The following NRG1 variants were observed in gnomAD, a reference collection of about 807,000 sequenced individuals.
NRG1 encodes the protein neuregulin 1.
In NRG1, 18 loss-of-function variants were observed where a neutral mutation model predicts 63.8. The observed-to-expected ratio is 0.28, with a 90% CI of 0.19 to 0.42. NRG1 has a LOEUF of 0.42. Ranked by LOEUF, NRG1 falls within the 10% of genes least tolerant of loss-of-function variation. The pLI, the probability that NRG1 is intolerant of heterozygous loss-of-function variation, is 1.00. For missense variants in NRG1, 762 were observed against 814.7 expected (o/e 0.94, Z 0.79); for synonymous variants, 302 against 301.3 (o/e 1.00, Z -0.02).
At chr8:32,723,056 T>C (rs1190086297) in intron 5 of NRG1, among the ~76,000 whole-genome samples, 1 of 152,230 alleles carries the variant, frequency 6.6e-6, no homozygotes, top group Non-Finnish European at 1.5e-5. Context: ...TTTTGTTTGC[T>C]CAATATTTAT....
intron 1 of NRG1, among the ~76,000 whole-genome samples, chr8:31,852,282 CT>C (rs1316796240): frequency 7.1e-6 from 1 of 140,130 alleles, no homozygotes; most frequent in African/African-American, 2.6e-5. Flanking sequence ...TGTTTCCTGA[CT>C]TTTTAATGAT....
At chr8:31,907,451 T>C (rs1832618948) in intron 1 of NRG1, among the ~76,000 whole-genome samples, 2 of 151,868 alleles carry the variant, frequency 1.3e-5, no homozygotes, top group South Asian at 4.2e-4. Context: ...TATGTAGTTC[T>C]CGAGAGTTAT....
In NRG1 at chr8:32,401,404, C is replaced by T. The variant is rs1813180116; in HGVS notation, c.38-194424C>T. 6.6e-5 allele frequency among the ~76,000 whole-genome samples: 10 copies of T among 152,288 alleles called. 1 individual carries two copies. The South Asian group carries it at 2.1e-3, about 32-fold the overall frequency. ...CCCTGTTCCTTAGTTTTCTCTCTGG[C>T]ACTTATCATTTATCTATTTTATTCA... On this transcript the variant is annotated intron_variant, in intron 1 of 10. Coordinates refer to the NRG1 transcript ENST00000519301.
intron 1 of NRG1, among the ~76,000 whole-genome samples, chr8:31,671,442 ACTTAT>A (rs1014847518): frequency 1.3e-5 from 2 of 152,134 alleles, no homozygotes; most frequent in African/African-American, 4.8e-5. Flanking sequence ...TAGCTGGCAA[ACTTAT>A]CAGGCAGAAG....
chr8:31,857,260 C>G (rs957543553), intron 1 of NRG1, among the ~76,000 whole-genome samples: 1 of 152,244 alleles, frequency 6.6e-6, no homozygotes, highest in Non-Finnish European at 1.5e-5. Flanking sequence ...TAGCAATCAG[C>G]AAGACTCCGT....
intron 1 of NRG1, among the ~76,000 whole-genome samples, chr8:31,778,275 C>T (rs1372821394): frequency 1.3e-5 from 2 of 152,196 alleles, no homozygotes; most frequent in Non-Finnish European, 2.9e-5. Context: ...GTCGTACTCT[C>T]TGCAATGCTA....
chr8:32,571,977 A>G (rs557879747), intron 1 of NRG1, among the ~76,000 whole-genome samples: 2 of 152,330 alleles, frequency 1.3e-5, no homozygotes, highest in African/African-American at 2.4e-5. Context: ...TGTAATTTTT[A>G]TACACAGTTT....
At chr8:31,964,331 T>A (rs1805966855) in intron 1 of NRG1, among the ~76,000 whole-genome samples, 1 of 152,198 alleles carries the variant, frequency 6.6e-6, no homozygotes, top group African/African-American at 2.4e-5. Context: ...AAGTGGACAT[T>A]GTTTTGAGAC....
intron 1 of NRG1, among the ~76,000 whole-genome samples, chr8:32,393,004 A>G (rs1163576059): frequency 6.6e-6 from 1 of 152,124 alleles, no homozygotes; most frequent in Admixed American, 6.6e-5. Flanking sequence ...CCACTTCATT[A>G]CTGGTTGTTT....
intron 1 of NRG1, among the ~76,000 whole-genome samples, chr8:32,109,307 C>T (rs897985693): frequency 6.6e-6 from 1 of 152,182 alleles, no homozygotes; most frequent in African/African-American, 2.4e-5. Context: ...TCATGATTAG[C>T]TCTGGGCATG....
rs538720042 is a variant in NRG1, at chr8:32,635,345, A to G, written c.502+18460A>G. 3.3e-5 allele frequency among the ~76,000 whole-genome samples: 5 copies of G among 152,294 alleles called. No individual in the cohort carries two copies. The East Asian group carries it at 9.6e-4, about 29-fold the overall frequency. On this transcript the variant is annotated intron_variant, in intron 5 of 11. Coordinates refer to ENST00000356819, the Ensembl canonical transcript of NRG1. ...TGGAAATGGTAGCTATTTTTATTAC[A>G]CCCTGTACAGTGACCTTAAAATTTG...
upstream of NRG1, among the ~76,000 whole-genome samples, chr8:32,544,679 CT>C (rs755780220): frequency 9.1e-3 from 729 of 80,458 alleles, 3 homozygotes; most frequent in African/African-American, 0.033. Context: ...ATTTTTGTAT[CT>C]TTTTTTTTTT....
intron 1 of NRG1, among the ~76,000 whole-genome samples, chr8:31,708,647 GT>G (rs1811407872): frequency 6.6e-6 from 1 of 151,504 alleles, no homozygotes; most frequent in Non-Finnish European, 1.5e-5. Flanking sequence ...GGGTTTCACC[GT>G]TTTAGCCGGG....
At chr8:32,555,405 TTTGA>T (rs1189534676) in intron 1 of NRG1, among the ~76,000 whole-genome samples, 1 of 152,202 alleles carries the variant, frequency 6.6e-6, no homozygotes, top group Non-Finnish European at 1.5e-5. Context: ...GGAGCCCCAC[TTTGA>T]TTGAGTGCAC....
intron 1 of NRG1, among the ~76,000 whole-genome samples, chr8:32,012,440 G>A (rs1814902457): frequency 6.6e-6 from 1 of 152,150 alleles, no homozygotes; most frequent in East Asian, 1.9e-4. Flanking sequence ...ATAGTTTTAG[G>A]CATACTAAAA....
At chr8:32,224,997 C>T (rs778818016) in intron 1 of NRG1, among the ~76,000 whole-genome samples, 5 of 152,114 alleles carry the variant, frequency 3.3e-5, no homozygotes, top group Non-Finnish European at 7.4e-5. Flanking sequence ...TTTTAAAACT[C>T]GAAATGTCAT....
At chr8:32,524,095 C>T (rs1365513756) in intron 1 of NRG1, among the ~76,000 whole-genome samples, 13 of 151,680 alleles carry the variant, frequency 8.6e-5, no homozygotes, top group Admixed American at 1.3e-4. Context: ...AAGACCAGCC[C>T]GGGCAACATG....
At chr8:31,903,027 TG>T (rs1473088120) in intron 1 of NRG1, among the ~76,000 whole-genome samples, 13 of 152,048 alleles carry the variant, frequency 8.5e-5, no homozygotes, top group African/African-American at 3.1e-4. Context: ...AACTACCCCA[TG>T]TAGAGAAATC....
chr8:32,300,252 T>C (rs1295993895), intron 1 of NRG1, among the ~76,000 whole-genome samples: 1 of 152,162 alleles, frequency 6.6e-6, no homozygotes, highest in African/African-American at 2.4e-5. Context: ...TTCAATAAGG[T>C]TAGATAACTA....
Sources: gnomAD v4.1 joint callset for allele counts (sites outside exome capture counted in the v4.1 genomes callset) on GRCh38, gnomAD v4.1.1 for gene constraint, MANE v1.5 for transcripts, NCBI Gene and HGNC (gene_info 2026-07-23, HGNC 2026-07-21) for gene names.